Variants in SLC19A2 observed in about 807,000 individuals in gnomAD.
SLC19A2 encodes solute carrier family 19 member 2, also known as thiamine transporter 1.
In SLC19A2, 27 loss-of-function variants were observed where a neutral mutation model predicts 44.7. That is an observed-to-expected ratio of 0.60 (90% CI 0.45 to 0.83). The LOEUF (loss-of-function observed/expected upper bound fraction) is 0.83, where lower values mean the gene tolerates loss of function less well. Ranked by LOEUF, SLC19A2 falls within the 40% of genes least tolerant of loss-of-function variation. The pLI is 0.00. For missense variants in SLC19A2, 566 were observed against 613.7 expected, an observed-to-expected ratio of 0.92 and a Z score of 0.82; for synonymous variants, 239 against 243.6, an observed-to-expected ratio of 0.98 and a Z score of 0.18.
intron 2 of SLC19A2, among the ~76,000 whole-genome samples, chr1:169,474,669 C>A (rs560827288): frequency 7.2e-5 from 11 of 152,092 alleles, no homozygotes; most frequent in African/African-American, 2.7e-4. Context: ...TCAATAATTA[C>A]CACAATTATA....
chr1:169,483,998 A>G lies in SLC19A2; in HGVS notation c.204+1565T>C, dbSNP rs1474458048. Among the ~76,000 whole-genome samples, 4 of 152,226 alleles carry G rather than the reference A, an allele frequency of 2.6e-5. No homozygotes were observed. In the East Asian group the frequency reaches 5.8e-4, roughly 22 times the overall value. ...TGTTTTGACATTATTGCTTTAAATC[A>G]GTATTAAAACTCAAATAGGTTATGA... is the stretch of plus-strand genomic sequence containing the variant. On this transcript the variant is annotated intron_variant, in intron 1 of 5. Coordinates refer to ENST00000236137, the MANE Select transcript of SLC19A2 (RefSeq NM_006996.3).
intron 2 of SLC19A2, among the ~76,000 whole-genome samples, chr1:169,474,976 C>T (rs1658273411): frequency 6.6e-6 from 1 of 152,080 alleles, no homozygotes; most frequent in Non-Finnish European, 1.5e-5. Flanking sequence ...GGATCTCATA[C>T]ACACTTTTAA....
At position 169,477,447 on chromosome 1, in the gene SLC19A2, C is replaced by A. The variant is rs28937595; in HGVS notation, c.515G>T (p.Gly172Val). 1.2e-6 allele frequency: 2 copies of A among 1,614,138 alleles called. No homozygotes were observed. The highest frequency in any genetic ancestry group is 1.7e-5 in the Admixed American group (1 of 60,008). The change falls in exon 2 of 6, where the codon GGC becomes GTC. Residue 172 changes from glycine (G) to valine (V), a missense_variant. Physicochemically the swap from Gly to Val is moderately radical, Grantham distance 109. Transcript: ENST00000236137. ...RSATLVGFTV[G>V]SVLGQILVSV... ...GACAAGGATTTGCCCTAGGACAGAGCCCACTGTAAAGCCCACCAAAGTGGC... is the reference window on the plus strand; with the variant it reads ...GACAAGGATTTGCCCTAGGACAGAGACCACTGTAAAGCCCACCAAAGTGGC...
intron 1 of SLC19A2, among the ~76,000 whole-genome samples, chr1:169,481,435 A>G (rs999515944): frequency 6.6e-6 from 1 of 152,254 alleles, no homozygotes; most frequent in Non-Finnish European, 1.5e-5. Context: ...TGCTTGCAGT[A>G]GCTTTTCCAA....
intron 1 of SLC19A2, among the ~76,000 whole-genome samples, chr1:169,484,061 C>A (rs1168535005): frequency 6.6e-6 from 1 of 152,152 alleles, no homozygotes; most frequent in African/African-American, 2.4e-5. Context: ...ATCCACAAGA[C>A]TGAGAAACGG....
intron 1 of SLC19A2, among the ~76,000 whole-genome samples, chr1:169,482,749 T>A (rs1658469138): frequency 6.6e-6 from 1 of 152,192 alleles, no homozygotes; most frequent in Admixed American, 6.5e-5. Context: ...TTTGAGTACA[T>A]GTCAACAGAT....
At chr1:169,477,020 A>G (rs946062705) in intron 2 of SLC19A2, 135 bp downstream of exon 2, 8 of 983,932 alleles carry the variant, frequency 8.1e-6, no homozygotes, top group South Asian at 5.2e-5. Context: ...ATGAATGAAT[A>G]AAGCAATAAA....
At chr1:169,474,904 T>C (rs1448014391) in intron 2 of SLC19A2, among the ~76,000 whole-genome samples, 1 of 152,158 alleles carries the variant, frequency 6.6e-6, no homozygotes, top group Non-Finnish European at 1.5e-5. Flanking sequence ...GTAACTGACA[T>C]GATGGTTCTG....
chr1:169,465,843 A>G lies in SLC19A2; in HGVS notation c.*6T>C. The G allele has an allele frequency of 1.2e-6, 2 of 1,613,844 alleles. No individual in the cohort carries two copies. The highest frequency in any genetic ancestry group is 1.7e-6 in the Non-Finnish European group (2 of 1,179,872). ...TTGCTATAAGAAGAAGCCCTTCAGC[A>G]GTATATTATGAAGTGGTTACTTGAG... On this transcript the variant is annotated 3_prime_UTR_variant, in exon 6 of 6. Transcript: ENST00000236137.
chr1:169,481,450 C>T (rs1658443727), intron 1 of SLC19A2, among the ~76,000 whole-genome samples: 1 of 152,208 alleles, frequency 6.6e-6, no homozygotes, highest in Admixed American at 6.5e-5. Context: ...TTCCAATCTG[C>T]ACTGAGGTGC....
rs1298640561 is a variant in SLC19A2, at chr1:169,465,951, T to C, written c.1392A>G (p.Ala464=). ...TQFLIYASYF[A]LIAVVFLASG... is the part of the protein sequence containing the mutation. ...TGGCCAGGAAAACCACAGCGATGAGTGCAAAATAACTGGCATAGATCAAAA... is the reference window on the plus strand; with the variant it reads ...TGGCCAGGAAAACCACAGCGATGAGCGCAAAATAACTGGCATAGATCAAAA... Residue 464 remains alanine, a synonymous_variant, in exon 6 of 6, where the codon GCA becomes GCG. Transcript: ENST00000236137. 1 of 1,613,922 alleles carries C rather than the reference T, an allele frequency of 6.2e-7. No individual in the cohort carries two copies. Among genetic ancestry groups the C allele is most frequent in the African/African-American group, 1.3e-5 (1 of 74,912 alleles).
rs768631905 is a variant in SLC19A2 at position 169,470,047 on chromosome 1, G to A, written c.947C>T (p.Thr316Ile). ...TCGYFQVVNYTQGLWEKVMPS... is the reference protein window; with the variant it reads ...TCGYFQVVNYIQGLWEKVMPS... ...CATCACTTTCTCCCACAGGCCCTGT[G>A]TGTAGTTCACAACTTGAAAATAGCC... Residue 316 changes from threonine to isoleucine, a missense_variant, in exon 3 of 6, where the codon ACA (threonine) becomes ATA (isoleucine). Transcript: ENST00000236137. The A allele has an allele frequency of 2.5e-6, 4 of 1,613,904 alleles. No homozygotes were observed. The African/African-American group carries it at 5.3e-5, about 22-fold the overall frequency.
chr1:169,476,144 T>TAA (rs201824773), intron 2 of SLC19A2, among the ~76,000 whole-genome samples: 42 of 145,482 alleles, frequency 2.9e-4, no homozygotes, highest in Middle Eastern at 3.5e-3. Flanking sequence ...CTTGAATATT[T>TAA]AAAAAAAAAA....
chr1:169,468,909 T>A lies in SLC19A2; in HGVS notation c.1031-73A>T, dbSNP rs1406559662. 4 of 1,380,758 alleles carry A rather than the reference T, an allele frequency of 2.9e-6. No individual in the cohort carries two copies. In the African/African-American group the frequency reaches 5.8e-5, roughly 20 times the overall value. 85.5% of individuals were successfully genotyped at this position (1,380,758 alleles called of 1,614,324 possible). A position where few individuals can be genotyped will look rare whatever the true frequency, so the allele number is the denominator to read the frequency against. ...GTTGCAATAAATTAAAAACTCAGCT[T>A]AGATTATTAAATTTTAAAATCTGCA... On this transcript the variant is annotated intron_variant, in intron 3 of 5. Coordinates refer to ENST00000236137, the MANE Select transcript of SLC19A2 (RefSeq NM_006996.3).
chr1:169,469,999 T>A lies in SLC19A2; in HGVS notation c.995A>T (p.Tyr332Phe). ...TGAAACGGCCTCCACGCCACCATTA[T>A]AGATAGCAGCATAGCGAGAAGGCAT... ...KVMPSRYAAIYNGGVEAVSTL... is the reference protein window; with the variant it reads ...KVMPSRYAAIFNGGVEAVSTL... The change falls in exon 3 of 6, where the codon TAT (tyrosine) becomes TTT (phenylalanine). Residue 332 changes from tyrosine to phenylalanine, a missense_variant. Physicochemically the swap from Tyr to Phe is conservative, Grantham distance 22. Transcript: ENST00000236137. The A allele has an allele frequency of 6.2e-7, 1 of 1,613,948 alleles. No homozygotes were observed. Among genetic ancestry groups the A allele is most frequent in the Non-Finnish European group, 8.5e-7 (1 of 1,179,886 alleles).
At chr1:169,482,157 C>T (rs1012510993) in intron 1 of SLC19A2, among the ~76,000 whole-genome samples, 3 of 151,748 alleles carry the variant, frequency 2.0e-5, no homozygotes, top group Admixed American at 6.6e-5. Flanking sequence ...GCCGAGATCA[C>T]GCCATTGCAC....
chr1:169,483,406 C>T (rs1014182477), intron 1 of SLC19A2, among the ~76,000 whole-genome samples: 18 of 150,144 alleles, frequency 1.2e-4, no homozygotes, highest in African/African-American at 3.7e-4. Flanking sequence ...TACAAAAAAA[C>T]GTAGGGTTTG....
rs1658304730 is a variant in SLC19A2, at chr1:169,476,224, T to C, written c.807+931A>G. 1.3e-5 allele frequency among the ~76,000 whole-genome samples: 2 copies of C among 152,174 alleles called. 1 individual carries two copies. The highest frequency in any genetic ancestry group is 4.1e-4 in the South Asian group (2 of 4,830). On this transcript the variant is annotated intron_variant, in intron 2 of 5. Transcript: ENST00000236137. ...AGAACAGATGGATAAATTATTTTAA[T>C]GCCATACCTCTCTCTTCCAAGAGAC... is the stretch of plus-strand genomic sequence containing the variant.
chr1:169,481,534 C>T (rs539200756), intron 1 of SLC19A2, among the ~76,000 whole-genome samples: 21 of 152,188 alleles, frequency 1.4e-4, no homozygotes, highest in South Asian at 2.1e-4. Context: ...AAGGCAGATC[C>T]TTTTCTTTTT....
Sources: gnomAD v4.1 joint callset for allele counts (sites outside exome capture counted in the v4.1 genomes callset) on GRCh38, gnomAD v4.1.1 for gene constraint, MANE v1.5 for transcripts, NCBI Gene and HGNC (gene_info 2026-07-23, HGNC 2026-07-21) for gene names.